TEX9: variants seen among roughly 807,000 people sequenced by gnomAD.
TEX9 encodes the protein testis expressed 9.
Under a neutral mutation model 59.6 loss-of-function variants are expected in TEX9, and 74 were observed. The ratio of observed to expected loss-of-function variants is 1.24; its 90% confidence interval spans 1.03 to 1.51. The LOEUF (loss-of-function observed/expected upper bound fraction) is 1.51. Among genes scored for constraint, TEX9 ranks in the 40% most tolerant of loss-of-function variants. The pLI is 0.00. For synonymous variants in TEX9, 186 were observed against 152.2 expected, an observed-to-expected ratio of 1.22 and a Z score of -1.64; for missense variants, 522 against 447.8, an observed-to-expected ratio of 1.17 and a Z score of -1.49.
At chr15:56,285,806 A>G (rs912139365) in intron 1 of TEX9, among the ~76,000 whole-genome samples, 6 of 152,206 alleles carry the variant, frequency 3.9e-5, no homozygotes, top group Non-Finnish European at 4.4e-5. Context: ...AACATAAAAA[A>G]TTATAGGTAA....
intron 1 of TEX9, among the ~76,000 whole-genome samples, chr15:56,285,054 A>G (rs1285236381): frequency 6.6e-6 from 1 of 152,062 alleles, no homozygotes; most frequent in Non-Finnish European, 1.5e-5. Flanking sequence ...TCTCTTTTAA[A>G]TCATCGTTCA....
chr15:56,389,141 T>G (rs1203299548), intron 5 of TEX9, among the ~76,000 whole-genome samples, 177 bp from the exon 6 acceptor site: 1 of 152,074 alleles, frequency 6.6e-6, no homozygotes, highest in Non-Finnish European at 1.5e-5. Context: ...TTTGGTGTTA[T>G]CTAGGTCTTT....
chr15:56,289,449 C>T (rs1184923686), intron 1 of TEX9, among the ~76,000 whole-genome samples: 1 of 152,116 alleles, frequency 6.6e-6, no homozygotes, highest in Admixed American at 6.5e-5. Flanking sequence ...AGTTCTGGCA[C>T]CATTGAGGGT....
chr15:56,314,311 A>T, intron 1 of TEX9, among the ~76,000 whole-genome samples: 1 of 65,148 alleles, frequency 1.5e-5, no homozygotes, highest in African/African-American at 5.1e-5. Context: ...CCCTCTACAC[A>T]CTGCTTTGAA....
intron 3 of TEX9, among the ~76,000 whole-genome samples, chr15:56,376,348 G>T (rs2047452224): frequency 6.6e-6 from 1 of 152,068 alleles, no homozygotes; most frequent in African/African-American, 2.4e-5. Context: ...CTTTGTAGTT[G>T]TACTAATTTA....
intron 1 of TEX9, among the ~76,000 whole-genome samples, chr15:56,252,348 A>G (rs1433681517): frequency 2.7e-5 from 4 of 146,580 alleles, no homozygotes; most frequent in Admixed American, 6.8e-5. Flanking sequence ...CCAAACAATG[A>G]ATGTTTGTTG....
chr15:56,294,774 A>T (rs1007566967), intron 1 of TEX9, among the ~76,000 whole-genome samples: 1 of 152,226 alleles, frequency 6.6e-6, no homozygotes, highest in Admixed American at 6.5e-5. Context: ...TATAAATTGG[A>T]ATTTGAATAT....
intron 1 of TEX9, among the ~76,000 whole-genome samples, chr15:56,271,542 A>G (rs1253124429): frequency 1.3e-5 from 2 of 151,998 alleles, no homozygotes; most frequent in African/African-American, 4.8e-5. Flanking sequence ...CAGGTGATCC[A>G]CCCACCTTGG....
intron 10 of TEX9, among the ~76,000 whole-genome samples, chr15:56,423,345 T>A (rs538393514): frequency 1.3e-5 from 2 of 152,318 alleles, no homozygotes; most frequent in African/African-American, 4.8e-5. Flanking sequence ...CTTGGTAGTT[T>A]GAGTGTTTTG....
chr15:56,264,180 T>A (rs2044328734), intron 1 of TEX9, among the ~76,000 whole-genome samples: 1 of 152,170 alleles, frequency 6.6e-6, no homozygotes, highest in African/African-American at 2.4e-5. Flanking sequence ...AGTCGCACCG[T>A]TTTTGAATTC....
intron 3 of TEX9, among the ~76,000 whole-genome samples, chr15:56,380,013 T>C (rs2047654032): frequency 1.3e-5 from 2 of 152,182 alleles, no homozygotes; most frequent in African/African-American, 4.8e-5. Flanking sequence ...TTGAAGAGTT[T>C]AGTGCATTTA....
At chr15:56,350,536 C>T (rs1299598817) in intron 1 of TEX9, among the ~76,000 whole-genome samples, 3 of 152,188 alleles carry the variant, frequency 2.0e-5, no homozygotes, top group Non-Finnish European at 4.4e-5. Context: ...GGAAGGTTCT[C>T]ATGCCTTTCA....
chr15:56,431,172 T>A (rs11855937), intron 12 of TEX9, among the ~76,000 whole-genome samples: 46,104 of 152,036 alleles, frequency 0.3, 7,907 homozygotes, highest in Middle Eastern at 0.49. Context: ...AGCTCATACA[T>A]CTAATAATGT....
intron 1 of TEX9, among the ~76,000 whole-genome samples, chr15:56,304,623 G>C (rs1417150855): frequency 6.6e-6 from 1 of 152,128 alleles, no homozygotes; most frequent in African/African-American, 2.4e-5. Context: ...TAGTCATGAT[G>C]AATGATCTTT....
intron 3 of TEX9, among the ~76,000 whole-genome samples, chr15:56,374,784 A>G (rs77772253): frequency 6.6e-6 from 1 of 152,016 alleles, no homozygotes; most frequent in Non-Finnish European, 1.5e-5. Context: ...AGATCCCACA[A>G]ATAAGTGAGA....
intron 1 of TEX9, among the ~76,000 whole-genome samples, chr15:56,271,614 C>T (rs1222190302): frequency 1.3e-5 from 2 of 152,082 alleles, no homozygotes; most frequent in East Asian, 3.9e-4. Flanking sequence ...TCCTGTTTAT[C>T]CCAGGAAATG....
intron 1 of TEX9, among the ~76,000 whole-genome samples, chr15:56,269,721 C>T (rs1379353390): frequency 2.0e-5 from 3 of 146,960 alleles, no homozygotes; most frequent in Admixed American, 6.9e-5. Context: ...GGTGTGATGT[C>T]GGCTCACTGC....
chr15:56,295,908 AC>A (rs1344397559), intron 1 of TEX9, among the ~76,000 whole-genome samples: 1 of 152,044 alleles, frequency 6.6e-6, no homozygotes, highest in Non-Finnish European at 1.5e-5. Flanking sequence ...TTTCCTATAA[AC>A]CAAAGGCTTT....
chr15:56,302,546 C>A (rs1472079417), intron 1 of TEX9, among the ~76,000 whole-genome samples: 1 of 151,634 alleles, frequency 6.6e-6, no homozygotes, highest in East Asian at 1.9e-4. Context: ...CAAAACAAAC[C>A]TACGAAAGAT....
Sources: gnomAD v4.1 joint callset for allele counts (sites outside exome capture counted in the v4.1 genomes callset) on GRCh38, gnomAD v4.1.1 for gene constraint, MANE v1.5 for transcripts, NCBI Gene and HGNC (gene_info 2026-07-23, HGNC 2026-07-21) for gene names.